The following XPO4 variants were observed in gnomAD, a reference collection of about 807,000 sequenced individuals.
XPO4 encodes exportin 4, also known as exportin-4.
In XPO4, 39 loss-of-function variants were observed where a neutral mutation model predicts 143.0. The observed-to-expected ratio is 0.27, with a 90% CI of 0.21 to 0.36. The LOEUF is 0.36. Among genes scored for constraint, XPO4 ranks in the 10% least tolerant of loss-of-function variants. The probability of loss-of-function intolerance (pLI) is 1.00; values close to 1 mark genes in which losing one functional copy is unlikely to be tolerated. For synonymous variants in XPO4, 439 were observed against 474.0 expected, an observed-to-expected ratio of 0.93 and a Z score of 0.96; for missense variants, 907 against 1,348.0, an observed-to-expected ratio of 0.67 and a Z score of 5.12.
At chr13:20,888,654 G>C (rs2060482886) in intron 1 of XPO4, among the ~76,000 whole-genome samples, 1 of 152,116 alleles carries the variant, frequency 6.6e-6, no homozygotes, top group Non-Finnish European at 1.5e-5. Flanking sequence ...ACTGCACCCA[G>C]TCTGGTGGTC....
At chr13:20,808,735 T>C (rs2059539118) in intron 11 of XPO4, among the ~76,000 whole-genome samples, 154 bp from the exon 12 acceptor site, 1 of 152,212 alleles carries the variant, frequency 6.6e-6, no homozygotes, top group African/African-American at 2.4e-5. Context: ...CATAGCACTA[T>C]AGGAATTATG....
rs549185467 is a variant in XPO4 at position 20,808,510 on chromosome 13, G to A, written c.1565C>T (p.Pro522Leu). ...TTTGTTGTCAACAGTGCTTGAACCCGGTGAAGCAAGTAACTGTTGCTGATG... is the reference window on the plus strand; with the variant it reads ...TTTGTTGTCAACAGTGCTTGAACCCAGTGAAGCAAGTAACTGTTGCTGATG... ...QRHQQQLLAS[P>L]GSSTVDNKML... The change falls in exon 12 of 23, where the codon CCG becomes CTG. Residue 522 changes from proline (P) to leucine (L), a missense_variant. Coordinates refer to ENST00000255305, the MANE Select transcript of XPO4 (RefSeq NM_022459.5). The A allele has an allele frequency of 5.7e-6, 9 of 1,572,590 alleles. No homozygotes were observed. Among genetic ancestry groups the A allele is most frequent in the African/African-American group, 4.0e-5 (3 of 74,692 alleles).
chr13:20,791,174 C>G (rs1180625865), intron 18 of XPO4, among the ~76,000 whole-genome samples: 1 of 151,846 alleles, frequency 6.6e-6, no homozygotes, highest in East Asian at 1.9e-4. Context: ...CATCTCTAAA[C>G]AAACGTTTAT....
At chr13:20,849,451 T>C (rs2060062142) in intron 4 of XPO4, 10 of 984,182 alleles carry the variant, frequency 1.0e-5, no homozygotes, top group Non-Finnish European at 1.2e-5. Flanking sequence ...ATGAATTATA[T>C]GTTTAAATAC....
intron 18 of XPO4, among the ~76,000 whole-genome samples, chr13:20,793,310 C>A (rs1264856172): frequency 6.6e-6 from 1 of 152,022 alleles, no homozygotes; most frequent in Non-Finnish European, 1.5e-5. Flanking sequence ...TCGTTTTATT[C>A]TTTTTACCCC....
intron 6 of XPO4, among the ~76,000 whole-genome samples, chr13:20,828,912 T>G (rs2059819871): frequency 6.6e-6 from 1 of 152,216 alleles, no homozygotes; most frequent in Admixed American, 6.5e-5. Context: ...TACTGATTTA[T>G]CTGACACCTA....
intron 9 of XPO4, among the ~76,000 whole-genome samples, chr13:20,811,868 G>C (rs2059587424): frequency 6.6e-6 from 1 of 152,104 alleles, no homozygotes; most frequent in African/African-American, 2.4e-5. Flanking sequence ...AAGGCCTCTT[G>C]GCCTTTCTTC....
chr13:20,791,815 A>G (rs895893045), intron 18 of XPO4, among the ~76,000 whole-genome samples: 17 of 152,212 alleles, frequency 1.1e-4, no homozygotes, highest in African/African-American at 3.9e-4. Context: ...TATAACAACA[A>G]AAAGATCAAA....
At chr13:20,880,345 T>C (rs993718062) in intron 1 of XPO4, among the ~76,000 whole-genome samples, 8 of 152,172 alleles carry the variant, frequency 5.3e-5, no homozygotes, top group South Asian at 2.1e-4. Flanking sequence ...GGCAGGAGAA[T>C]TGCTTGAACC....
chr13:20,866,190 AG>A lies in XPO4; in HGVS notation c.175+2405del, dbSNP rs1464711565. ...GACTTCTGAAGTGAAGAAGTCTAAA[AG>A]TGCTCTTCTGACAAAATGCACAAGC... On this transcript the variant is annotated intron_variant, in intron 2 of 22. Coordinates refer to ENST00000255305, the MANE Select transcript of XPO4 (RefSeq NM_022459.5). The A allele has an allele frequency of 3.0e-6, 3 of 985,304 alleles. No individual in the cohort carries two copies. The African/African-American group carries it at 5.2e-5, about 17-fold the overall frequency. The allele number at this position is 985,304 out of a possible 1,614,324, so 61.0% of individuals were successfully genotyped here.
At chr13:20,867,569 G>A (rs982099829) in intron 2 of XPO4, among the ~76,000 whole-genome samples, 13 of 152,070 alleles carry the variant, frequency 8.5e-5, no homozygotes, top group Admixed American at 8.5e-4. Flanking sequence ...TCCTCAAGGT[G>A]CACCAGTGGC....
chr13:20,843,935 C>T (rs1418540631), intron 4 of XPO4, 49 bp from the exon 5 acceptor site: 1 of 1,401,168 alleles, frequency 7.1e-7, no homozygotes, highest in East Asian at 2.3e-5. Context: ...TGTTTCAACG[C>T]TTTGTTTCAA....
At chr13:20,892,559 CACAT>C (rs1697802839) in intron 1 of XPO4, among the ~76,000 whole-genome samples, 1 of 152,094 alleles carries the variant, frequency 6.6e-6, no homozygotes. Context: ...GTACTAGACA[CACAT>C]AATCAAGGAA....
intron 1 of XPO4, among the ~76,000 whole-genome samples, chr13:20,894,031 A>T (rs1328374157): frequency 6.6e-6 from 1 of 152,006 alleles, no homozygotes; most frequent in Non-Finnish European, 1.5e-5. Context: ...TAGTAGAGAC[A>T]GGGTTTCTCC....
At chr13:20,870,653 G>A (rs1228178890) in intron 1 of XPO4, among the ~76,000 whole-genome samples, 1 of 150,592 alleles carries the variant, frequency 6.6e-6, no homozygotes, top group Non-Finnish European at 1.5e-5. Context: ...TCGCTTGAAC[G>A]CAGGAGGCAG....
intron 1 of XPO4, chr13:20,902,393 A>T: frequency 1.0e-6 from 1 of 985,380 alleles, no homozygotes; most frequent in Non-Finnish European, 1.2e-6. Context: ...GGCAGGGTGT[A>T]AGGTGAAGAA....
intron 4 of XPO4, chr13:20,851,253 G>C: frequency 1.0e-6 from 1 of 985,356 alleles, no homozygotes; most frequent in East Asian, 1.1e-4. Flanking sequence ...GACAAATAGG[G>C]ACAGTGTATG....
At chr13:20,794,264 T>C (rs2059326146) in intron 18 of XPO4, among the ~76,000 whole-genome samples, 1 of 152,068 alleles carries the variant, frequency 6.6e-6, no homozygotes, top group Admixed American at 6.6e-5. Flanking sequence ...CTAGGAAACT[T>C]AGTCAAAATA....
intron 22 of XPO4, among the ~76,000 whole-genome samples, chr13:20,786,565 A>T (rs1481203964): frequency 6.6e-6 from 1 of 152,158 alleles, no homozygotes; most frequent in Non-Finnish European, 1.5e-5. Context: ...ATATGCAATA[A>T]AATACTGTCT....
Sources: allele counts gnomAD v4.1 joint callset (sites outside exome capture counted in the v4.1 genomes callset), GRCh38; gene constraint gnomAD v4.1.1; transcripts MANE v1.5; gene names NCBI Gene and HGNC (gene_info 2026-07-23, HGNC 2026-07-21).